Variants in CCDC85A observed in about 807,000 individuals in gnomAD.
CCDC85A encodes the protein coiled-coil domain containing 85A, also known as coiled-coil domain-containing protein 85A.
In CCDC85A, 38 loss-of-function variants were observed where a neutral mutation model predicts 50.2. The ratio of observed to expected loss-of-function variants is 0.76; its 90% confidence interval spans 0.58 to 0.99. The LOEUF (loss-of-function observed/expected upper bound fraction) is 0.99. Among genes scored for constraint, CCDC85A ranks in the 50% least tolerant of loss-of-function variants. CCDC85A has a pLI of 0.00. For missense variants in CCDC85A, 820 were observed against 742.0 expected (o/e 1.11, Z -1.22); for synonymous variants, 366 against 301.4 (o/e 1.21, Z -2.22).
At chr2:56,335,320 G>A (rs189817491) in intron 2 of CCDC85A, among the ~76,000 whole-genome samples, 1 of 152,298 alleles carries the variant, frequency 6.6e-6, no homozygotes, top group Admixed American at 6.5e-5. Flanking sequence ...TATGGAATGA[G>A]TGCAAGCCAT....
At chr2:56,354,456 G>A (rs1675120038) in intron 3 of CCDC85A, among the ~76,000 whole-genome samples, 1 of 152,114 alleles carries the variant, frequency 6.6e-6, no homozygotes, top group Admixed American at 6.5e-5. Context: ...TTTTTCAAAG[G>A]ATACCTGATT....
At chr2:56,234,763 C>A (rs563158563) in intron 2 of CCDC85A, among the ~76,000 whole-genome samples, 26 of 152,228 alleles carry the variant, frequency 1.7e-4, no homozygotes, top group African/African-American at 6.3e-4. Context: ...ATTATGTATT[C>A]ATCTTCCTTT....
At chr2:56,381,749 TTTTCCTTTGCTTTCCTTCCTTTCAA>T (rs989268903) in intron 5 of CCDC85A, among the ~76,000 whole-genome samples, 2 of 152,062 alleles carry the variant, frequency 1.3e-5, no homozygotes, top group African/African-American at 4.8e-5. Context: ...TTTCTTTCCC[TTTTCCTTTGCTTTCCTTCCTTTCAA>T]TTTCTGGACA....
intron 2 of CCDC85A, among the ~76,000 whole-genome samples, chr2:56,315,451 A>C (rs1462875651): frequency 6.6e-6 from 1 of 152,156 alleles, no homozygotes; most frequent in Admixed American, 6.6e-5. Flanking sequence ...ATTTACTCAT[A>C]TAGCAAATAC....
chr2:56,190,718 C>T (rs1190303071), intron 1 of CCDC85A, among the ~76,000 whole-genome samples: 1 of 152,138 alleles, frequency 6.6e-6, no homozygotes, highest in East Asian at 1.9e-4. Context: ...GGTGTTCCCA[C>T]CTTCTCCACT....
At chr2:56,354,237 A>T (rs2104351754) in intron 3 of CCDC85A, among the ~76,000 whole-genome samples, 1 of 152,340 alleles carries the variant, frequency 6.6e-6, no homozygotes, top group East Asian at 1.9e-4. Context: ...TCTTTATTTT[A>T]AAATGTAGCA....
At chr2:56,365,051 G>T (rs1407919303) in intron 3 of CCDC85A, among the ~76,000 whole-genome samples, 2 of 152,148 alleles carry the variant, frequency 1.3e-5, no homozygotes, top group African/African-American at 4.8e-5. Context: ...ACTCCTGCAT[G>T]TCATGTTGGA....
At chr2:56,302,751 G>A (rs1156583686) in intron 2 of CCDC85A, among the ~76,000 whole-genome samples, 2 of 152,148 alleles carry the variant, frequency 1.3e-5, no homozygotes, top group African/African-American at 4.8e-5. Flanking sequence ...CTGTGTGTAT[G>A]TGTTCCATTT....
intron 5 of CCDC85A, among the ~76,000 whole-genome samples, chr2:56,380,787 G>C (rs1404499032): frequency 6.6e-6 from 1 of 152,132 alleles, no homozygotes; most frequent in East Asian, 1.9e-4. Context: ...TATAAATTGT[G>C]AGGCTTTAAA....
chr2:56,246,762 C>T (rs556298386), intron 2 of CCDC85A, among the ~76,000 whole-genome samples: 1 of 152,128 alleles, frequency 6.6e-6, no homozygotes, highest in East Asian at 1.9e-4. Flanking sequence ...TCTTATTTTC[C>T]AATGCACAGA....
chr2:56,288,820 C>G (rs1671570026), intron 2 of CCDC85A, among the ~76,000 whole-genome samples: 1 of 152,118 alleles, frequency 6.6e-6, no homozygotes, highest in African/African-American at 2.4e-5. Context: ...GTCAGTGAAC[C>G]TTGAAAATGT....
intron 2 of CCDC85A, among the ~76,000 whole-genome samples, chr2:56,260,239 A>G (rs1670163357): frequency 6.6e-6 from 1 of 152,156 alleles, no homozygotes; most frequent in African/African-American, 2.4e-5. Flanking sequence ...AGACAAACTC[A>G]TGCTGTCCCT....
At chr2:56,360,282 GTC>G (rs1347774447) in intron 3 of CCDC85A, among the ~76,000 whole-genome samples, 2 of 152,158 alleles carry the variant, frequency 1.3e-5, no homozygotes, top group Non-Finnish European at 2.9e-5. Context: ...AGGCTTATTA[GTC>G]TCTCTTCACA....
intron 3 of CCDC85A, among the ~76,000 whole-genome samples, chr2:56,368,093 A>G (rs1213177496): frequency 6.6e-6 from 1 of 152,202 alleles, no homozygotes; most frequent in East Asian, 1.9e-4. Context: ...AGGTATCTAT[A>G]TGGCATTGCA....
At chr2:56,338,435 G>C (rs1000871623) in intron 2 of CCDC85A, among the ~76,000 whole-genome samples, 1 of 152,072 alleles carries the variant, frequency 6.6e-6, no homozygotes, top group Non-Finnish European at 1.5e-5. Flanking sequence ...ATGGGGAAGG[G>C]GGTTGCAGCG....
At chr2:56,365,491 G>C (rs139242893) in intron 3 of CCDC85A, among the ~76,000 whole-genome samples, 685 of 152,142 alleles carry the variant, frequency 4.5e-3, no homozygotes, top group Admixed American at 0.011. Context: ...AGGATCATCT[G>C]GATCTCTCTG....
intron 3 of CCDC85A, among the ~76,000 whole-genome samples, chr2:56,359,201 T>C (rs1437861492): frequency 6.6e-6 from 1 of 152,152 alleles, no homozygotes; most frequent in African/African-American, 2.4e-5. Flanking sequence ...CTGCTCTGAG[T>C]TATCAGTACT....
chr2:56,214,623 G>C (rs1246516651), intron 2 of CCDC85A, among the ~76,000 whole-genome samples: 1 of 151,822 alleles, frequency 6.6e-6, no homozygotes, highest in African/African-American at 2.4e-5. Flanking sequence ...AATTATCCCA[G>C]TACCATTTGT....
At chr2:56,244,494 A>G (rs1669413548) in intron 2 of CCDC85A, among the ~76,000 whole-genome samples, 1 of 151,930 alleles carries the variant, frequency 6.6e-6, no homozygotes, top group Non-Finnish European at 1.5e-5. Flanking sequence ...GCGTAGGTAC[A>G]GAAGTGCCAT....
Sources: gnomAD v4.1 joint callset for allele counts (sites outside exome capture counted in the v4.1 genomes callset) on GRCh38, gnomAD v4.1.1 for gene constraint, MANE v1.5 for transcripts, NCBI Gene and HGNC (gene_info 2026-07-23, HGNC 2026-07-21) for gene names.